The following CNBD2 variants were observed in gnomAD, a reference collection of about 807,000 sequenced individuals.
CNBD2 encodes the protein cyclic nucleotide-binding domain-containing protein 2.
In CNBD2, 64 loss-of-function variants were observed where a neutral mutation model predicts 63.7. The ratio of observed to expected loss-of-function variants is 1.00; its 90% CI spans 0.82 to 1.24. The LOEUF is 1.24. Among genes scored for constraint, CNBD2 ranks in the 50% most tolerant of loss-of-function variants. The pLI is 0.00. For missense variants in CNBD2, 691 were observed against 713.5 expected (o/e 0.97, Z 0.36); for synonymous variants, 229 against 255.4 (o/e 0.90, Z 0.99).
At chr20:35,987,171 G>A (rs1412259884) in intron 6 of CNBD2, among the ~76,000 whole-genome samples, 1 of 152,176 alleles carries the variant, frequency 6.6e-6, no homozygotes, top group Non-Finnish European at 1.5e-5. Context: ...CAGTAAAGAG[G>A]GGAGCTTGGC....
chr20:35,975,348 T>TTGC (rs2056495410), intron 2 of CNBD2, among the ~76,000 whole-genome samples: 1 of 119,394 alleles, frequency 8.4e-6, no homozygotes. Context: ...TTGCCCAGGC[T>TTGC]GGAGTGCAGT....
intron 2 of CNBD2, among the ~76,000 whole-genome samples, chr20:35,960,957 C>T (rs1406194841): frequency 6.6e-6 from 1 of 150,668 alleles, no homozygotes; most frequent in African/African-American, 2.4e-5. Flanking sequence ...TTTTTCTTTC[C>T]TCTCGCTCTG....
In CNBD2 at chr20:36,011,196, C is replaced by T. The variant is rs2057054863; in HGVS notation, c.1208C>T (p.Pro403Leu). The change falls in exon 10 of 12, where the codon CCC becomes CTC. Residue 403 changes from proline (P) to leucine (L), a missense_variant. By Grantham distance (98) the Pro-to-Leu change is moderately conservative. Coordinates refer to ENST00000373973, the MANE Select transcript of CNBD2 (RefSeq NM_001365709.1). ...ATCAATATCAAGCCTGGTGAGCTCC[C>T]CAAGGAGGCTGCAGTGGGGGCCTAC... ...AMINIKPGELPKEAAVGAYVK... is the reference protein window; with the variant it reads ...AMINIKPGELLKEAAVGAYVK... The T allele has an allele frequency of 6.3e-7, 1 of 1,598,500 alleles. No homozygotes were observed. The highest frequency in any genetic ancestry group is 1.1e-5 in the South Asian group (1 of 88,478).
Position 36,030,384 on chromosome 20 carries a change from C to G in CNBD2, c.1467C>G (p.Leu489=). Reference sequence around the variant, plus strand: ...ATGAAGATATGTGCCAGAAGTTCCTCCAGCAGAACAGCTGGAATATCTTTC... The same window carrying G: ...ATGAAGATATGTGCCAGAAGTTCCTGCAGCAGAACAGCTGGAATATCTTTC... ...PSDEDMCQKF[L]QQNSWNIFRK... Residue 489 remains leucine (L), a synonymous_variant, in exon 12 of 12, where the codon CTC becomes CTG. Transcript: ENST00000373973. 6.2e-7 allele frequency: 1 copy of G among 1,614,146 alleles called. No individual in the cohort carries two copies. The highest frequency in any genetic ancestry group is 8.5e-7 in the Non-Finnish European group (1 of 1,180,022).
intron 1 of CNBD2, among the ~76,000 whole-genome samples, chr20:35,969,376 A>G (rs1243119479): frequency 3.9e-5 from 6 of 152,154 alleles, no homozygotes; most frequent in Non-Finnish European, 8.8e-5. Flanking sequence ...CTTTCCCCAT[A>G]TTTCCATAGA....
chr20:36,012,308 A>T (rs1448011851), intron 10 of CNBD2, among the ~76,000 whole-genome samples: 2 of 151,618 alleles, frequency 1.3e-5, no homozygotes, highest in Non-Finnish European at 2.9e-5. Flanking sequence ...CTCCAAAAAA[A>T]AAAACCAAAA....
At chr20:36,013,373 G>A (rs768597617) in intron 10 of CNBD2, among the ~76,000 whole-genome samples, 12 of 152,134 alleles carry the variant, frequency 7.9e-5, no homozygotes, top group Admixed American at 1.3e-4. Flanking sequence ...AGCAGAGATC[G>A]CGCCACTGCA....
intron 10 of CNBD2, among the ~76,000 whole-genome samples, chr20:36,019,641 TGGG>T (rs1365029952): frequency 6.8e-6 from 1 of 147,412 alleles, no homozygotes; most frequent in Non-Finnish European, 1.5e-5. Context: ...GGAGGCGTGT[TGGG>T]GGGATTGGAA....
At chr20:35,991,296 G>T (rs1274448967) in intron 7 of CNBD2, among the ~76,000 whole-genome samples, 1 of 152,200 alleles carries the variant, frequency 6.6e-6, no homozygotes, top group Non-Finnish European at 1.5e-5. Flanking sequence ...TAAATTGTGT[G>T]TAACACATTC....
At chr20:36,023,889 G>T in intron 11 of CNBD2, 118 bp downstream of exon 11, 1 of 824,226 alleles carries the variant, frequency 1.2e-6, no homozygotes, top group Non-Finnish European at 1.9e-6. Flanking sequence ...AAATGAAACT[G>T]GGAGTTGTTG....
intron 8 of CNBD2, among the ~76,000 whole-genome samples, chr20:36,003,940 C>T (rs2056949596): frequency 6.6e-6 from 1 of 151,982 alleles, no homozygotes; most frequent in South Asian, 2.1e-4. Context: ...TCTGAAGGCT[C>T]ATCTGGGAGG....
At position 36,014,182 on chromosome 20, in the gene CNBD2, C is replaced by CAAAAAAAAAAAAAAAA. The variant is rs1398212585; in HGVS notation, c.1269+2938_1269+2939insAAAAAAAAAAAAAAAA. ...TAGGTGACAGAGCAAGACTCCATCT[C>CAAAAAAAAAAAAAAAA]AAAAAAAAAAAAAGGAAATATGTAT... is the stretch of plus-strand genomic sequence containing the variant. On this transcript the variant is annotated intron_variant, in intron 10 of 11. Transcript: ENST00000373973. Among the ~76,000 whole-genome samples, 60 of 94,804 alleles carry CAAAAAAAAAAAAAAAA rather than the reference C, an allele frequency of 6.3e-4. 1 individual carries two copies. Among genetic ancestry groups the CAAAAAAAAAAAAAAAA allele is most frequent in the African/African-American group, 2.8e-3 (57 of 20,600 alleles). The allele number at this position is 94,804 out of a possible 152,430, so 62.2% of individuals were successfully genotyped here.
intron 10 of CNBD2, among the ~76,000 whole-genome samples, chr20:36,019,344 A>G (rs1601099845): frequency 6.6e-6 from 1 of 151,820 alleles, no homozygotes; most frequent in African/African-American, 2.4e-5. Flanking sequence ...GGGCAACATG[A>G]TGAAACCCCG....
upstream of CNBD2, among the ~76,000 whole-genome samples, chr20:35,963,710 T>C (rs1431108692): frequency 6.6e-6 from 1 of 152,180 alleles, no homozygotes; most frequent in African/African-American, 2.4e-5. Context: ...TCCTAAAAGA[T>C]TATTCATAAA....
Position 35,987,509 on chromosome 20 carries a change from A to AC in CNBD2, c.834dup (p.Phe279LeufsTer11). ...TGATCTCAAAAGATTTTGGAGAGTC[A>AC]CCCTTCATCATGTTTATCAGCAAGG... is the stretch of plus-strand genomic sequence containing the variant. On this transcript the variant is annotated frameshift_variant, in exon 7 of 12. Transcript: ENST00000373973. LOFTEE classifies it high-confidence loss of function. 1 of 1,614,164 alleles carries AC rather than the reference A, an allele frequency of 6.2e-7. No individual in the cohort carries two copies. Among genetic ancestry groups the AC allele is most frequent in the Non-Finnish European group, 8.5e-7 (1 of 1,180,016 alleles).
intron 1 of CNBD2, among the ~76,000 whole-genome samples, chr20:35,969,869 A>C (rs913281871): frequency 6.6e-6 from 1 of 152,232 alleles, no homozygotes; most frequent in Admixed American, 6.5e-5. Flanking sequence ...TCAACTTTAT[A>C]TAATGTTGCC....
intron 1 of CNBD2, among the ~76,000 whole-genome samples, chr20:35,972,096 G>C (rs1225931372): frequency 6.6e-6 from 1 of 152,192 alleles, no homozygotes; most frequent in African/African-American, 2.4e-5. Flanking sequence ...GGATGTTCTT[G>C]TTCTAAAATC....
At chr20:36,002,215 C>T (rs926068961) in intron 8 of CNBD2, among the ~76,000 whole-genome samples, 2 of 152,212 alleles carry the variant, frequency 1.3e-5, no homozygotes, top group African/African-American at 4.8e-5. Context: ...GCCAACACAG[C>T]GAAACCCCGT....
intron 1 of CNBD2, among the ~76,000 whole-genome samples, chr20:35,970,337 C>T (rs537364725): frequency 5.6e-4 from 85 of 152,192 alleles, no homozygotes; most frequent in African/African-American, 2.0e-3. Flanking sequence ...GTCTGTAGTT[C>T]GTTGTCTCAC....
Sources: allele counts gnomAD v4.1 joint callset (sites outside exome capture counted in the v4.1 genomes callset), GRCh38; gene constraint gnomAD v4.1.1; transcripts MANE v1.5; gene names NCBI Gene and HGNC (gene_info 2026-07-23, HGNC 2026-07-21).